Variants in SYN3 observed in about 807,000 individuals in gnomAD.
SYN3 encodes synapsin-3.
SYN3 carries 35 observed loss-of-function variants against 65.8 expected under a neutral mutation model. The ratio of observed to expected loss-of-function variants is 0.53; its 90% CI spans 0.41 to 0.70. SYN3 has a LOEUF of 0.70. Among genes scored for constraint, SYN3 ranks in the 30% least tolerant of loss-of-function variants. The probability of loss-of-function intolerance (pLI) is 0.00; values close to 1 mark genes in which losing one functional copy is unlikely to be tolerated. For synonymous variants in SYN3, 270 were observed against 292.9 expected (o/e 0.92, Z 0.80); for missense variants, 680 against 749.0 (o/e 0.91, Z 1.08).
intron 6 of SYN3, among the ~76,000 whole-genome samples, chr22:32,746,481 C>T (rs2044935910): frequency 6.6e-6 from 1 of 152,040 alleles, no homozygotes; most frequent in Non-Finnish European, 1.5e-5. Context: ...CGTGGACAAA[C>T]CCATGACCAC....
intron 8 of SYN3, 62 bp downstream of exon 8, chr22:32,541,498 AGACAGCGGCTG>A: frequency 6.3e-7 from 1 of 1,577,604 alleles, no homozygotes. Flanking sequence ...TGGGTGCAGG[AGACAGCGGCTG>A]GACATGCACC....
chr22:32,679,993 C>T (rs1341501873), intron 6 of SYN3, among the ~76,000 whole-genome samples: 13 of 151,862 alleles, frequency 8.6e-5, no homozygotes, highest in African/African-American at 3.1e-4. Context: ...CTCTGTTTCT[C>T]CCACTAGAAT....
chr22:32,838,731 C>T (rs1483316890), intron 6 of SYN3, among the ~76,000 whole-genome samples: 1 of 151,964 alleles, frequency 6.6e-6, no homozygotes, highest in African/African-American at 2.4e-5. Context: ...ACCCAGCACT[C>T]CAGGAAGCCA....
chr22:32,845,322 A>C (rs2048029401), intron 6 of SYN3, among the ~76,000 whole-genome samples: 1 of 151,824 alleles, frequency 6.6e-6, no homozygotes, highest in Admixed American at 6.6e-5. Flanking sequence ...TCAGCCTCCC[A>C]AGTAGCTGGG....
At chr22:32,880,558 C>A (rs1409049375) in intron 4 of SYN3, among the ~76,000 whole-genome samples, 1 of 152,118 alleles carries the variant, frequency 6.6e-6, no homozygotes, top group Admixed American at 6.5e-5. Flanking sequence ...AGGGTTTACC[C>A]TCTCAGCCGT....
At chr22:32,516,795 C>T (rs1568994515) in intron 13 of SYN3, among the ~76,000 whole-genome samples, 1 of 80,334 alleles carries the variant, frequency 1.2e-5, no homozygotes, top group Non-Finnish European at 2.7e-5. Context: ...GAAACTTTGG[C>T]AAGTTATTTA....
chr22:32,616,030 T>C (rs913435657), intron 6 of SYN3, among the ~76,000 whole-genome samples: 13 of 152,184 alleles, frequency 8.5e-5, no homozygotes, highest in African/African-American at 2.9e-4. Context: ...CCTAGACACC[T>C]GAAGTTCCCA....
chr22:33,057,101 G>A (rs1257846898), intron 1 of SYN3, among the ~76,000 whole-genome samples: 2 of 152,248 alleles, frequency 1.3e-5, no homozygotes, highest in East Asian at 1.9e-4. Context: ...GGGCAGAGGG[G>A]GCTCCCTTAA....
At chr22:33,047,932 G>A (rs73393640) in intron 1 of SYN3, among the ~76,000 whole-genome samples, 4,710 of 150,238 alleles carry the variant, frequency 0.031, 180 homozygotes, top group African/African-American at 0.09. Context: ...GTCACACAGC[G>A]ATGTCTGGCA....
chr22:32,689,128 A>G (rs952175525), intron 6 of SYN3, among the ~76,000 whole-genome samples: 24 of 152,326 alleles, frequency 1.6e-4, no homozygotes, highest in Middle Eastern at 3.4e-3. Context: ...TAGCAGGTAC[A>G]TTGAAGACTA....
At chr22:32,859,086 C>T (rs1470799347) in intron 6 of SYN3, 2 of 1,235,072 alleles carry the variant, frequency 1.6e-6, no homozygotes, top group Non-Finnish European at 2.4e-6. Context: ...GCTTCCCATG[C>T]AGTGGCCCCA....
chr22:32,520,597 T>C (rs1302456828), intron 12 of SYN3, among the ~76,000 whole-genome samples: 4 of 152,216 alleles, frequency 2.6e-5, no homozygotes, highest in Non-Finnish European at 5.9e-5. Flanking sequence ...CAGGCTCGCC[T>C]GAGTCCTCAT....
At chr22:32,957,505 T>A (rs1211651940) in intron 3 of SYN3, among the ~76,000 whole-genome samples, 2 of 152,204 alleles carry the variant, frequency 1.3e-5, no homozygotes. Context: ...GGCGCCTATT[T>A]AAAATAATGC....
intron 3 of SYN3, among the ~76,000 whole-genome samples, chr22:32,965,130 T>C (rs1204593362): frequency 1.3e-5 from 2 of 152,192 alleles, no homozygotes; most frequent in Non-Finnish European, 2.9e-5. Flanking sequence ...CTCAGTTCCA[T>C]CAGTACTCTG....
chr22:32,710,404 G>A (rs1354237385), intron 6 of SYN3, among the ~76,000 whole-genome samples: 1 of 151,566 alleles, frequency 6.6e-6, no homozygotes, highest in Admixed American at 6.6e-5. Flanking sequence ...GCCAAGGAGG[G>A]TGGATCACCT....
Position 32,573,822 on chromosome 22 carries a change from T to C in SYN3, c.774+22852A>G, listed in dbSNP as rs2058813050. Among the ~76,000 whole-genome samples the C allele has an allele frequency of 4.3e-5, 6 of 141,130 alleles. No homozygotes were observed. In the South Asian group the frequency reaches 1.1e-3, roughly 26 times the overall value. 92.6% of individuals were successfully genotyped at this position (141,130 alleles called of 152,430 possible). ...TCTCGCTGTGTCGCCCAGGCTGGAGTGCAGTGGTGTGATCTCGGCTCACTG... is the reference window on the plus strand; with the variant it reads ...TCTCGCTGTGTCGCCCAGGCTGGAGCGCAGTGGTGTGATCTCGGCTCACTG... On this transcript the variant is annotated intron_variant, in intron 7 of 13. Transcript: ENST00000358763.
chr22:32,667,679 A>G (rs1314121361), intron 6 of SYN3, among the ~76,000 whole-genome samples: 1 of 152,150 alleles, frequency 6.6e-6, no homozygotes, highest in Non-Finnish European at 1.5e-5. Context: ...AAGGCATCAT[A>G]TAAGAGAGCT....
chr22:32,723,286 C>T (rs2061144921), intron 6 of SYN3, among the ~76,000 whole-genome samples: 1 of 152,202 alleles, frequency 6.6e-6, no homozygotes, highest in African/African-American at 2.4e-5. Flanking sequence ...GCTTCTGTTT[C>T]CCATCTATAA....
intron 3 of SYN3, among the ~76,000 whole-genome samples, chr22:32,960,491 T>TG (rs2051613836): frequency 6.6e-6 from 1 of 152,204 alleles, no homozygotes; most frequent in South Asian, 2.1e-4. Flanking sequence ...GGTGCTCCCC[T>TG]GTGCCCCCCG....
Sources: allele counts gnomAD v4.1 joint callset (sites outside exome capture counted in the v4.1 genomes callset), GRCh38; gene constraint gnomAD v4.1.1; transcripts MANE v1.5; gene names NCBI Gene and HGNC (gene_info 2026-07-23, HGNC 2026-07-21).